NANOS3: variants seen among roughly 807,000 people sequenced by gnomAD.
NANOS3 encodes the protein nanos homolog 3.
A neutral mutation model predicts 13.8 loss-of-function variants in NANOS3; 11 were observed. That is an observed-to-expected ratio of 0.80 (90% CI 0.50 to 1.32). The LOEUF (loss-of-function observed/expected upper bound fraction) is 1.32, where lower values mean the gene tolerates loss of function less well. Among genes scored for constraint, NANOS3 ranks in the 40% most tolerant of loss-of-function variants. The pLI, the probability that NANOS3 is intolerant of heterozygous loss-of-function variation, is 0.00. For synonymous variants in NANOS3, 119 were observed against 115.4 expected (o/e 1.03, Z -0.20); for missense variants, 221 against 263.8 (o/e 0.84, Z 1.12).
At chr19:13,872,358 A>AGAG (rs1555721280), upstream of NANOS3, among the ~76,000 whole-genome samples, 1 of 141,960 alleles carries the variant, frequency 7.0e-6, no homozygotes, top group African/African-American at 2.8e-5. Context: ...AAAAAAAAAA[A>AGAG]AAAGAGAGAG....
upstream of NANOS3, among the ~76,000 whole-genome samples, chr19:13,864,344 G>C (rs1257155901): frequency 2.0e-5 from 3 of 152,070 alleles, no homozygotes; most frequent in African/African-American, 7.2e-5. Flanking sequence ...ATGGTCCCAG[G>C]TACACATCCC....
At chr19:13,862,652 C>G (rs1453790842), upstream of NANOS3, among the ~76,000 whole-genome samples, 2 of 152,088 alleles carry the variant, frequency 1.3e-5, no homozygotes, top group Non-Finnish European at 2.9e-5. Context: ...GATTCTCATG[C>G]TTTAGCTTCC....
At chr19:13,876,955 C>T (rs767229532), upstream of NANOS3, among the ~76,000 whole-genome samples, 3 of 152,044 alleles carry the variant, frequency 2.0e-5, no homozygotes, top group Non-Finnish European at 4.4e-5. Flanking sequence ...CGCAGGATGC[C>T]CCCCCACACA....
upstream of NANOS3, among the ~76,000 whole-genome samples, chr19:13,865,085 G>A (rs980915658): frequency 5.9e-5 from 9 of 151,976 alleles, no homozygotes; most frequent in African/African-American, 2.2e-4. Flanking sequence ...GGAGACCCAC[G>A]GGCATCCCCC....
upstream of NANOS3, among the ~76,000 whole-genome samples, chr19:13,864,547 A>G (rs1370092296): frequency 6.6e-6 from 1 of 151,576 alleles, no homozygotes; most frequent in Non-Finnish European, 1.5e-5. Flanking sequence ...TTCTGGTTCT[A>G]TGTCTATATC....
Position 13,877,227 on chromosome 19 carries a change from G to A in NANOS3, c.-22G>A, listed in dbSNP as rs746137957. On this transcript the variant is annotated 5_prime_UTR_variant, in exon 1 of 2. Transcript: ENST00000339133. ...GTTACTTGTCTCTGTGACTCCTTCC[G>A]CCTGGCACATGCTGCCCAGCTATGG... The A allele has an allele frequency of 4.6e-5, 73 of 1,587,408 alleles. No homozygotes were observed. The highest frequency in any genetic ancestry group is 5.5e-5 in the Non-Finnish European group (64 of 1,162,892).
At chr19:13,874,279 G>A (rs1206059629), upstream of NANOS3, among the ~76,000 whole-genome samples, 1 of 152,158 alleles carries the variant, frequency 6.6e-6, no homozygotes, top group East Asian at 1.9e-4. Context: ...GTATTAAAAT[G>A]GCTTGTTTAT....
chr19:13,872,344 CAAAAAA>C (rs34571178), upstream of NANOS3, among the ~76,000 whole-genome samples: 1 of 121,730 alleles, frequency 8.2e-6, no homozygotes, highest in Non-Finnish European at 1.7e-5. Context: ...GACTCCATCT[CAAAAAA>C]AAAAAAAAAA....
At chr19:13,871,485 GC>G (rs1248315335) in intron 1 of NANOS3, among the ~76,000 whole-genome samples, 6 of 152,180 alleles carry the variant, frequency 3.9e-5, no homozygotes, top group Admixed American at 6.5e-5. Flanking sequence ...CAGCTTCCTG[GC>G]CTTCAAGACC....
upstream of NANOS3, chr19:13,874,663 T>C (rs767288010): frequency 1.9e-6 from 1 of 521,686 alleles, no homozygotes; most frequent in Non-Finnish European, 4.0e-6. Flanking sequence ...TGCTCTCTGG[T>C]TCCCTGCCAC....
upstream of NANOS3, chr19:13,874,820 C>T (rs1479247231): frequency 1.9e-6 from 1 of 531,438 alleles, no homozygotes; most frequent in Non-Finnish European, 3.9e-6. Flanking sequence ...CTGCCGGTGA[C>T]TCTGACCTTC....
At position 13,877,450 on chromosome 19, in the gene NANOS3, G is replaced by T; in HGVS notation, c.202G>T (p.Glu68Ter). The part of the protein sequence containing the change: ...PGPKDQKRSL[E>*]SSPAPERLCS... ...ACCCAAGGATCAGAAGCGCAGCCTGGAGTCCTCGCCAGCTCCCGAACGCCT... is the reference window on the plus strand; with the variant it reads ...ACCCAAGGATCAGAAGCGCAGCCTGTAGTCCTCGCCAGCTCCCGAACGCCT... Residue 68 changes from glutamate (E) to a stop codon, truncating the protein, a stop_gained, in exon 1 of 2, where the codon GAG becomes TAG. Coordinates refer to ENST00000339133, the MANE Select transcript of NANOS3 (RefSeq NM_001098622.3). LOFTEE classifies it high-confidence loss of function. 1.2e-6 allele frequency: 2 copies of T among 1,611,830 alleles called. No homozygotes were observed.
At chr19:13,868,529 A>T (rs1054199144) in intron 1 of NANOS3, among the ~76,000 whole-genome samples, 6 of 151,686 alleles carry the variant, frequency 4.0e-5, no homozygotes, top group African/African-American at 1.5e-4. Flanking sequence ...TTTAAAAAAC[A>T]TATTAGCTGG....
upstream of NANOS3, among the ~76,000 whole-genome samples, chr19:13,876,692 G>GACACACAC (rs111469369): frequency 6.6e-6 from 1 of 151,530 alleles, no homozygotes; most frequent in African/African-American, 2.4e-5. Flanking sequence ...CTCCCGCCTG[G>GACACACAC]ACACACACAC....
chr19:13,871,202 C>G (rs1296610120), intron 1 of NANOS3, among the ~76,000 whole-genome samples: 1 of 152,088 alleles, frequency 6.6e-6, no homozygotes, highest in Non-Finnish European at 1.5e-5. Context: ...GGTCACCAGT[C>G]ACAGACAGGA....
chr19:13,862,736 A>C (rs971505836), upstream of NANOS3, among the ~76,000 whole-genome samples: 9 of 151,976 alleles, frequency 5.9e-5, no homozygotes, highest in African/African-American at 2.2e-4. Flanking sequence ...AAGAGATTTC[A>C]CCATGTTGGT....
At chr19:13,864,781 G>C (rs889993277), upstream of NANOS3, among the ~76,000 whole-genome samples, 2 of 152,088 alleles carry the variant, frequency 1.3e-5, no homozygotes, top group African/African-American at 4.8e-5. Context: ...TGAATGTGGT[G>C]TGTCTGTGTA....
At position 13,880,457 on chromosome 19, in the gene NANOS3, G is replaced by A. The variant is rs1968613389; in HGVS notation, c.533G>A (p.Gly178Glu). The change falls in exon 2 of 2, where the codon GGG becomes GAG. Residue 178 changes from glycine (G) to glutamate (E), a missense_variant. Gly to Glu is a moderately conservative substitution (Grantham distance 98). Transcript: ENST00000339133. ...CCTCCACTAGGTTTCAGAGGTGCCG[G>A]GAAGTCTGAGCCTTCGCCCTCCTGC... ...GGGGAGFRGA[G>E]KSEPSPSCSP... is the part of the protein sequence containing the mutation. 1 of 1,613,918 alleles carries A rather than the reference G, an allele frequency of 6.2e-7. No homozygotes were observed.
upstream of NANOS3, among the ~76,000 whole-genome samples, chr19:13,872,693 AGGGCCTGGACACCTGGGGTGGAGGT>A (rs1240108097): frequency 6.6e-6 from 1 of 152,222 alleles, no homozygotes. Context: ...CTCCCTCGGA[AGGGCCTGGACACCTGGGGTGGAGGT>A]GGCGGATAAA....
Sources: gnomAD v4.1 joint callset for allele counts (sites outside exome capture counted in the v4.1 genomes callset) on GRCh38, gnomAD v4.1.1 for gene constraint, MANE v1.5 for transcripts, NCBI Gene and HGNC (gene_info 2026-07-23, HGNC 2026-07-21) for gene names.